The following SASH1 variants were observed in gnomAD, a reference collection of about 807,000 sequenced individuals.
SASH1 encodes the protein SAM and SH3 domain-containing protein 1.
Under a neutral mutation model 125.2 loss-of-function variants are expected in SASH1, and 44 were observed. That is an observed-to-expected ratio of 0.35 (90% CI 0.28 to 0.45). The LOEUF is 0.45. SASH1 is among the 20% of genes least tolerant of loss of function. The probability of loss-of-function intolerance (pLI) is 1.00; values close to 1 mark genes in which losing one functional copy is unlikely to be tolerated. For synonymous variants in SASH1, 639 were observed against 649.1 expected (o/e 0.98, Z 0.24); for missense variants, 1,426 against 1,614.5 (o/e 0.88, Z 2.00).
At chr6:148,399,462 G>C (rs1400498121) in intron 2 of SASH1, among the ~76,000 whole-genome samples, 1 of 152,000 alleles carries the variant, frequency 6.6e-6, no homozygotes, top group Non-Finnish European at 1.5e-5. Context: ...CTGACCTCAG[G>C]TGAGCCACCC....
Position 148,544,600 on chromosome 6 carries a change from C to G in SASH1, c.3130C>G (p.Leu1044Val), listed in dbSNP as rs1782444244. The part of the protein sequence containing the change: ...DCPPALAPRP[L>V]SGQAPGSPPS... The stretch of plus-strand genomic sequence containing the variant: ...TCCCCCAGCACTGGCTCCCAGGCCT[C>G]TCTCAGGGCAGGCGCCTGGCAGCCC... The change falls in exon 18 of 20, where the codon CTC becomes GTC. Residue 1044 changes from leucine to valine, a missense_variant. By Grantham distance (32) the Leu-to-Val change is conservative (BLOSUM62 1). This residue lies in a region of SASH1 where 634 missense variants were observed against 694.4 expected (regional missense o/e 0.91). Coordinates refer to ENST00000367467, the MANE Select transcript of SASH1 (RefSeq NM_015278.5). This position sits in a 1 kb window ranked among gnomAD's most constrained non-coding sequence, Gnocchi z 6.4. 1.2e-6 allele frequency: 2 copies of G among 1,613,356 alleles called. No individual in the cohort carries two copies. Among genetic ancestry groups the G allele is most frequent in the East Asian group, 4.5e-5 (2 of 44,866 alleles).
chr6:148,409,350 T>C (rs903621892), intron 2 of SASH1, among the ~76,000 whole-genome samples: 5 of 152,218 alleles, frequency 3.3e-5, no homozygotes, highest in Non-Finnish European at 7.3e-5. Context: ...TGATTAACAA[T>C]ATTAAATGTA....
chr6:148,304,467 C>T (rs1214551895), intron 1 of SASH1, among the ~76,000 whole-genome samples: 3 of 142,908 alleles, frequency 2.1e-5, no homozygotes, highest in Admixed American at 7.1e-5. Flanking sequence ...AAAAATTAGC[C>T]GGGCATGGTG....
chr6:148,298,390 G>A (rs1483286729), intron 1 of SASH1, among the ~76,000 whole-genome samples: 5 of 152,086 alleles, frequency 3.3e-5, no homozygotes, highest in African/African-American at 9.7e-5. Context: ...AGCACTTTGG[G>A]AGGCTGAGGC....
At chr6:148,277,806 T>A (rs994186907) in intron 1 of SASH1, among the ~76,000 whole-genome samples, 1 of 151,882 alleles carries the variant, frequency 6.6e-6, no homozygotes, top group Admixed American at 6.6e-5. Context: ...AAGCTCCGCC[T>A]CCCGGGTTCA....
chr6:148,194,498 G>T, the SASH1 span, among the ~76,000 whole-genome samples: 1 of 152,214 alleles, frequency 6.6e-6, no homozygotes, highest in Non-Finnish European at 1.5e-5. Flanking sequence ...GCAACGATGT[G>T]ACTCATCTGT....
chr6:148,322,453 A>G (rs1223772950), intron 1 of SASH1, among the ~76,000 whole-genome samples: 1 of 152,150 alleles, frequency 6.6e-6, no homozygotes, highest in Non-Finnish European at 1.5e-5. Flanking sequence ...CAACTCTTTC[A>G]CATTCTTAAC....
intron 5 of SASH1, 73 bp from the exon 6 acceptor site, chr6:148,471,344 C>T (rs1778097763): frequency 4.3e-6 from 4 of 922,108 alleles, no homozygotes; most frequent in Non-Finnish European, 6.4e-6. Flanking sequence ...GAAGAGGCTA[C>T]TTTTGTTATT....
the SASH1 span, among the ~76,000 whole-genome samples, chr6:148,201,607 G>A: frequency 3.9e-5 from 6 of 152,094 alleles, no homozygotes; most frequent in Non-Finnish European, 7.4e-5. Flanking sequence ...GCTCAAAACC[G>A]TATCACCCAT....
chr6:148,232,359 C>T, the SASH1 span, among the ~76,000 whole-genome samples: 1 of 152,070 alleles, frequency 6.6e-6, no homozygotes, highest in East Asian at 1.9e-4. Context: ...AGGCAACTGT[C>T]GATATTCAGA....
chr6:148,503,087 C>G (rs1046147390), intron 8 of SASH1, among the ~76,000 whole-genome samples: 10 of 152,202 alleles, frequency 6.6e-5, no homozygotes, highest in Non-Finnish European at 4.4e-5. Context: ...TGCCTTGAAT[C>G]AGTGCATTCA....
intron 9 of SASH1, among the ~76,000 whole-genome samples, chr6:148,515,032 A>G (rs1780362903): frequency 6.6e-6 from 1 of 152,248 alleles, no homozygotes; most frequent in East Asian, 1.9e-4. Flanking sequence ...GTGAAACAGT[A>G]ATGTCAAAAG....
At chr6:148,202,968 CA>C in the SASH1 span, among the ~76,000 whole-genome samples, 4,186 of 151,260 alleles carry the variant, frequency 0.028, 82 homozygotes, top group East Asian at 0.059. Context: ...AAAACAAAAA[CA>C]AAAAACAGAA....
chr6:148,405,457 T>C (rs979886411), intron 2 of SASH1, among the ~76,000 whole-genome samples: 4 of 152,108 alleles, frequency 2.6e-5, no homozygotes, highest in Admixed American at 2.0e-4. Flanking sequence ...TACTCCAGGC[T>C]CAGGTTAGCA....
intron 8 of SASH1, chr6:148,512,625 C>G (rs1306269935): frequency 1.0e-6 from 1 of 983,046 alleles, no homozygotes; most frequent in African/African-American, 1.7e-5. Flanking sequence ...ACTTATTATT[C>G]TAATTTTTTA....
chr6:148,470,050 A>G (rs1778027616), intron 5 of SASH1, among the ~76,000 whole-genome samples: 1 of 151,926 alleles, frequency 6.6e-6, no homozygotes, highest in Non-Finnish European at 1.5e-5. Flanking sequence ...AAGAAAGAAA[A>G]AGAAAGAAAA....
chr6:148,348,561 T>A (rs1221849175), intron 1 of SASH1, among the ~76,000 whole-genome samples: 1 of 152,214 alleles, frequency 6.6e-6, no homozygotes. Flanking sequence ...ATCTTGCGCA[T>A]ACATTTCCTT....
the SASH1 span, among the ~76,000 whole-genome samples, chr6:148,213,276 C>T: frequency 1.3e-5 from 2 of 152,100 alleles, no homozygotes; most frequent in African/African-American, 4.8e-5. Context: ...GGATATTGCA[C>T]AGAAACCTCC....
intron 8 of SASH1, among the ~76,000 whole-genome samples, chr6:148,511,431 A>G (rs895716629): frequency 1.3e-5 from 2 of 151,410 alleles, no homozygotes; most frequent in South Asian, 2.1e-4. Flanking sequence ...TGCCGCATCT[A>G]TCTTGTCTAG....
Sources: allele counts gnomAD v4.1 joint callset (sites outside exome capture counted in the v4.1 genomes callset), GRCh38; gene constraint gnomAD v4.1.1; regional missense constraint gnomAD v4.1.1; non-coding constraint Gnocchi (gnomAD v3.1); transcripts MANE v1.5; gene names NCBI Gene and HGNC (gene_info 2026-07-23, HGNC 2026-07-21).